The following DLG2 variants were observed in gnomAD, a reference collection of about 807,000 sequenced individuals.
The protein encoded by DLG2 is disks large homolog 2.
DLG2 carries 45 observed loss-of-function variants against 132.5 expected under a neutral mutation model. That is an observed-to-expected ratio of 0.34 (90% confidence interval 0.27 to 0.44). The LOEUF is 0.44. DLG2 is among the 20% of genes least tolerant of loss of function. The pLI is 1.00. For synonymous variants in DLG2, 424 were observed against 419.6 expected (o/e 1.01, Z -0.13); for missense variants, 1,045 against 1,196.9 (o/e 0.87, Z 1.87).
intron 6 of DLG2, among the ~76,000 whole-genome samples, chr11:84,652,490 A>G (rs1289315516): frequency 6.6e-6 from 1 of 152,070 alleles, no homozygotes; most frequent in Non-Finnish European, 1.5e-5. Flanking sequence ...TTTAAAGAAG[A>G]AGGCAATGAA....
chr11:85,103,389 C>T (rs764429739), intron 6 of DLG2, among the ~76,000 whole-genome samples: 4 of 151,906 alleles, frequency 2.6e-5, no homozygotes, highest in Non-Finnish European at 5.9e-5. Context: ...CAGTGTGGCA[C>T]TGGCAAAAGG....
chr11:84,256,430 C>T lies in DLG2; in HGVS notation c.520-5139G>A, dbSNP rs1200978539. 2.6e-5 allele frequency among the ~76,000 whole-genome samples: 4 copies of T among 151,926 alleles called. 1 individual carries two copies. The highest frequency in any genetic ancestry group is 1.5e-5 in the Non-Finnish European group (1 of 67,970). On this transcript the variant is annotated intron_variant, in intron 7 of 27. Coordinates refer to ENST00000376104, the MANE Select transcript of DLG2 (RefSeq NM_001142699.3). Reference sequence around the variant, plus strand: ...GCTAATCAGTGGGAAGGTCAAAAGACTTAATCTAGTACCTAGACTTTTAAG... The same window carrying T: ...GCTAATCAGTGGGAAGGTCAAAAGATTTAATCTAGTACCTAGACTTTTAAG...
intron 7 of DLG2, among the ~76,000 whole-genome samples, chr11:84,348,141 T>C (rs2098547153): frequency 1.3e-5 from 2 of 152,198 alleles, no homozygotes; most frequent in Admixed American, 1.3e-4. Flanking sequence ...TTATCATTCT[T>C]ATCATTACTT....
chr11:85,174,452 G>A (rs2079082662), intron 4 of DLG2, among the ~76,000 whole-genome samples: 2 of 152,202 alleles, frequency 1.3e-5, no homozygotes, highest in South Asian at 4.1e-4. Flanking sequence ...GAATCTCTGG[G>A]AAACAACTAA....
intron 15 of DLG2, among the ~76,000 whole-genome samples, chr11:83,901,363 C>T (rs12290784): frequency 0.096 from 14,654 of 152,074 alleles, 839 homozygotes; most frequent in Middle Eastern, 0.2. Context: ...GGTTTGACTC[C>T]GTGTCCCCAG....
intron 4 of DLG2, among the ~76,000 whole-genome samples, chr11:85,257,092 G>C (rs965064096): frequency 6.6e-5 from 10 of 152,176 alleles, no homozygotes; most frequent in African/African-American, 2.4e-4. Context: ...ATCTTAGCTA[G>C]ATAAAGATTG....
At chr11:85,306,282 T>C (rs1483945451) in intron 3 of DLG2, among the ~76,000 whole-genome samples, 2 of 152,242 alleles carry the variant, frequency 1.3e-5, no homozygotes, top group African/African-American at 2.4e-5. Context: ...GTACTTTCTA[T>C]GTACCTGCCA....
intron 4 of DLG2, among the ~76,000 whole-genome samples, chr11:85,172,041 A>T (rs1384306606): frequency 6.6e-6 from 1 of 152,222 alleles, no homozygotes; most frequent in African/African-American, 2.4e-5. Flanking sequence ...GGCACTGAAG[A>T]GTCCGGGCAT....
At chr11:85,152,500 A>C (rs536162937) in intron 5 of DLG2, among the ~76,000 whole-genome samples, 266 of 152,106 alleles carry the variant, frequency 1.7e-3, no homozygotes, top group Non-Finnish European at 2.8e-3. Flanking sequence ...TGGCCTCCCA[A>C]AGTGCTGGGA....
intron 6 of DLG2, among the ~76,000 whole-genome samples, chr11:85,055,768 G>T (rs149495287): frequency 6.6e-6 from 1 of 152,108 alleles, no homozygotes; most frequent in Non-Finnish European, 1.5e-5. Context: ...ACAATCACAC[G>T]ATGCTGGAGA....
intron 6 of DLG2, among the ~76,000 whole-genome samples, chr11:84,539,631 G>A (rs894131829): frequency 3.9e-5 from 6 of 152,174 alleles, no homozygotes; most frequent in African/African-American, 1.4e-4. Flanking sequence ...GGATGGCACT[G>A]AATCTATAAA....
intron 3 of DLG2, among the ~76,000 whole-genome samples, chr11:85,463,752 C>T (rs893871609): frequency 6.6e-6 from 1 of 151,940 alleles, no homozygotes; most frequent in Non-Finnish European, 1.5e-5. Context: ...GTCTGAACAA[C>T]ACAGAAAGAC....
intron 8 of DLG2, among the ~76,000 whole-genome samples, chr11:84,196,410 A>G (rs570907608): frequency 1.4e-4 from 22 of 152,336 alleles, no homozygotes; most frequent in Non-Finnish European, 2.8e-4. Flanking sequence ...GAAAGTGTTG[A>G]GCGGCCAAAA....
At chr11:84,381,313 A>T (rs1312280909) in intron 7 of DLG2, among the ~76,000 whole-genome samples, 1 of 95,418 alleles carries the variant, frequency 1.0e-5, no homozygotes, top group African/African-American at 7.5e-5. Flanking sequence ...GAGGTGAAAA[A>T]TTTCACACTT....
chr11:84,343,322 C>A (rs1247745184), intron 7 of DLG2, among the ~76,000 whole-genome samples: 1 of 152,144 alleles, frequency 6.6e-6, no homozygotes, highest in African/African-American at 2.4e-5. Flanking sequence ...TTAGATATTA[C>A]AAAGTTATAT....
At chr11:84,550,912 C>T (rs116493300) in intron 6 of DLG2, among the ~76,000 whole-genome samples, 295 of 152,256 alleles carry the variant, frequency 1.9e-3, no homozygotes, top group African/African-American at 7.0e-3. Flanking sequence ...TTTTCCTCAA[C>T]ATACTTCCTG....
At chr11:85,036,033 T>C (rs1376400867) in intron 6 of DLG2, among the ~76,000 whole-genome samples, 1 of 152,260 alleles carries the variant, frequency 6.6e-6, no homozygotes, top group Non-Finnish European at 1.5e-5. Context: ...ATACTATTTC[T>C]GTCATTTTCT....
intron 4 of DLG2, among the ~76,000 whole-genome samples, chr11:85,282,353 G>A (rs1011858187): frequency 6.6e-6 from 1 of 151,842 alleles, no homozygotes; most frequent in South Asian, 2.1e-4. Context: ...TTAAAAAGTG[G>A]AATTAGAATG....
intron 6 of DLG2, among the ~76,000 whole-genome samples, chr11:84,584,846 A>G (rs7120790): frequency 0.29 from 42,791 of 150,104 alleles, 6,943 homozygotes; most frequent in African/African-American, 0.44. Context: ...CCGCCACTAC[A>G]CCCGGCTAAT....
Sources: gnomAD v4.1 joint callset for allele counts (sites outside exome capture counted in the v4.1 genomes callset) on GRCh38, gnomAD v4.1.1 for gene constraint, MANE v1.5 for transcripts, NCBI Gene and HGNC (gene_info 2026-07-23, HGNC 2026-07-21) for gene names.